CHKA: variants seen among roughly 807,000 people sequenced by gnomAD.
CHKA encodes choline kinase alpha.
A neutral mutation model predicts 60.1 loss-of-function variants in CHKA; 34 were observed. That is an observed-to-expected ratio of 0.57 (90% CI 0.43 to 0.75). The LOEUF (loss-of-function observed/expected upper bound fraction) is 0.75. Among genes scored for constraint, CHKA ranks in the 30% least tolerant of loss-of-function variants. CHKA has a pLI of 0.00. For missense variants in CHKA, 563 were observed against 561.3 expected (o/e 1.00, Z -0.03); for synonymous variants, 217 against 223.1 (o/e 0.97, Z 0.24).
intron 11 of CHKA, among the ~76,000 whole-genome samples, chr11:68,056,401 A>G (rs76912991): frequency 0.028 from 4,333 of 152,260 alleles, 77 homozygotes; most frequent in Middle Eastern, 0.041. Flanking sequence ...GGGGTCCTGC[A>G]CCATACCCTG....
In CHKA at chr11:68,070,188, C is replaced by T. The variant is rs997130385; in HGVS notation, c.869+1G>A. ...AGTCAGGAAATAGAAGGAAAACTCA[C>T]CTCAGGTTTTCCAGTTCCAAGGGCA... On this transcript the variant is annotated splice_donor_variant, in intron 6 of 11. Coordinates refer to ENST00000265689, the MANE Select transcript of CHKA (RefSeq NM_001277.3). LOFTEE classifies it high-confidence loss of function. 1 of 1,601,972 alleles carries T rather than the reference C, an allele frequency of 6.2e-7. No individual in the cohort carries two copies. The highest frequency in any genetic ancestry group is 1.7e-5 in the Admixed American group (1 of 59,774).
intron 2 of CHKA, among the ~76,000 whole-genome samples, chr11:68,092,787 T>C (rs983846575): frequency 7.9e-5 from 12 of 152,218 alleles, no homozygotes; most frequent in African/African-American, 2.9e-4. Flanking sequence ...CTAGGCTTCA[T>C]GGTTTCCTAA....
Position 68,098,712 on chromosome 11 carries a change from C to A in CHKA, c.351-1582G>T, listed in dbSNP as rs1376893956. 2.0e-5 allele frequency among the ~76,000 whole-genome samples: 3 copies of A among 151,686 alleles called. No individual in the cohort carries two copies. The East Asian group carries it at 5.8e-4, about 29-fold the overall frequency. On this transcript the variant is annotated intron_variant, in intron 1 of 11. Transcript: ENST00000265689. Reference sequence around the variant, plus strand: ...ATTTTATTTATTTATTTATTTTTTTCAGAGAGGGTTTTGCTCTGTCATCCA... The same window carrying A: ...ATTTTATTTATTTATTTATTTTTTTAAGAGAGGGTTTTGCTCTGTCATCCA...
chr11:68,116,085 A>G (rs1858373066), intron 1 of CHKA, among the ~76,000 whole-genome samples: 2 of 152,114 alleles, frequency 1.3e-5, no homozygotes, highest in African/African-American at 4.8e-5. Context: ...TCTATTTTGC[A>G]GGGCCCAAGG....
At chr11:68,079,737 G>A (rs902774042) in intron 3 of CHKA, among the ~76,000 whole-genome samples, 6 of 152,126 alleles carry the variant, frequency 3.9e-5, no homozygotes, top group South Asian at 2.1e-4. Context: ...GAAATCGGCC[G>A]GGCGATTTCA....
chr11:68,091,937 A>C (rs753797150), intron 2 of CHKA, among the ~76,000 whole-genome samples: 3 of 152,236 alleles, frequency 2.0e-5, no homozygotes, highest in Admixed American at 6.5e-5. Context: ...TCATATAATT[A>C]AGGAAAAATG....
At chr11:68,071,354 G>A (rs1856613035) in intron 4 of CHKA, among the ~76,000 whole-genome samples, 1 of 152,204 alleles carries the variant, frequency 6.6e-6, no homozygotes, top group African/African-American at 2.4e-5. Context: ...GTCTCCAGCT[G>A]CTCCCAGTGG....
chr11:68,070,076 T>C, intron 6 of CHKA, 113 bp downstream of exon 6: 1 of 794,344 alleles, frequency 1.3e-6, no homozygotes, highest in Non-Finnish European at 2.2e-6. Flanking sequence ...TTTAAATTCA[T>C]CCTGTAAAAC....
rs1359927817 is a variant in CHKA, at chr11:68,073,464, G to C, written c.630+1253C>G. 1.3e-5 allele frequency among the ~76,000 whole-genome samples: 2 copies of C among 152,136 alleles called. 1 individual carries two copies. The highest frequency in any genetic ancestry group is 3.8e-4 in the East Asian group (2 of 5,196). On this transcript the variant is annotated intron_variant, in intron 4 of 11. Transcript: ENST00000265689. ...AGGTCGGGAGTTCGAGACCAGCCTA[G>C]CCAACATGGAGAAACCCTGTCTCTA...
intron 1 of CHKA, among the ~76,000 whole-genome samples, chr11:68,120,316 T>C (rs1858573009): frequency 6.6e-6 from 1 of 152,044 alleles, no homozygotes; most frequent in Admixed American, 6.6e-5. Flanking sequence ...AACACAGCTA[T>C]AGTGATGTCT....
At chr11:68,086,367 A>C (rs1018973290) in intron 2 of CHKA, among the ~76,000 whole-genome samples, 5 of 152,206 alleles carry the variant, frequency 3.3e-5, no homozygotes, top group African/African-American at 1.2e-4. Context: ...TCCAGGACCA[A>C]GGAGGAAGAG....
At chr11:68,096,367 T>A (rs978267609) in intron 2 of CHKA, among the ~76,000 whole-genome samples, 19 of 152,102 alleles carry the variant, frequency 1.2e-4, no homozygotes, top group Non-Finnish European at 1.0e-4. Context: ...ATCTCAAAAA[T>A]ATATATATCA....
chr11:68,096,910 C>A, intron 2 of CHKA, 109 bp downstream of exon 2: 1 of 673,446 alleles, frequency 1.5e-6, no homozygotes, highest in Non-Finnish European at 2.4e-6. Flanking sequence ...ACTCAAATAT[C>A]TTTAGTAACA....
intron 9 of CHKA, among the ~76,000 whole-genome samples, chr11:68,065,564 G>A (rs1856413708): frequency 6.6e-6 from 1 of 152,108 alleles, no homozygotes. Context: ...AGCTGGGCGT[G>A]GTGGCATGCG....
chr11:68,072,141 G>GA (rs1211749031), intron 4 of CHKA, among the ~76,000 whole-genome samples: 4 of 152,186 alleles, frequency 2.6e-5, no homozygotes, highest in Non-Finnish European at 5.9e-5. Context: ...CCCCAGTAGA[G>GA]AAAGAGAAAC....
Position 68,097,007 on chromosome 11 carries a change from C to CA in CHKA, c.462+11_462+12insT. ...CAGGATCCCCCCCTCCCAAAGTAGC[C>CA]TACCAACTCACCATCTGCAAAATCG... is the stretch of plus-strand genomic sequence containing the variant. On this transcript the variant is annotated intron_variant, in intron 2 of 11. Coordinates refer to ENST00000265689, the MANE Select transcript of CHKA (RefSeq NM_001277.3). 6.3e-7 allele frequency: 1 copy of CA among 1,599,638 alleles called. No homozygotes were observed. Among genetic ancestry groups the CA allele is most frequent in the Non-Finnish European group, 8.6e-7 (1 of 1,169,094 alleles).
At chr11:68,054,221 G>A (rs1292424295) in intron 11 of CHKA, among the ~76,000 whole-genome samples, 174 bp from the exon 12 acceptor site, 32 of 152,208 alleles carry the variant, frequency 2.1e-4, no homozygotes, top group Admixed American at 2.1e-3. Context: ...CTCTACAGGT[G>A]CAGGCTCCTC....
chr11:68,101,011 G>C (rs184798767), intron 1 of CHKA, among the ~76,000 whole-genome samples: 1 of 136,018 alleles, frequency 7.4e-6, no homozygotes, highest in Non-Finnish European at 1.5e-5. Context: ...GCAACAGCGC[G>C]ATCTCGGCTC....
At chr11:68,112,408 C>A (rs753139558) in intron 1 of CHKA, among the ~76,000 whole-genome samples, 3 of 152,070 alleles carry the variant, frequency 2.0e-5, no homozygotes, top group Admixed American at 1.3e-4. Context: ...CAGGTGCCCA[C>A]GACTACACCA....
Sources: gnomAD v4.1 joint callset for allele counts (sites outside exome capture counted in the v4.1 genomes callset) on GRCh38, gnomAD v4.1.1 for gene constraint, MANE v1.5 for transcripts, NCBI Gene and HGNC (gene_info 2026-07-23, HGNC 2026-07-21) for gene names.